The following ROR1 variants were observed in gnomAD, a reference collection of about 807,000 sequenced individuals.
ROR1 encodes inactive tyrosine-protein kinase transmembrane receptor ROR1.
ROR1 carries 19 observed loss-of-function variants against 78.8 expected under a neutral mutation model. That is an observed-to-expected ratio of 0.24 (90% CI 0.17 to 0.35). The LOEUF is 0.35. ROR1 is among the 10% of genes least tolerant of loss of function. The pLI, the probability that ROR1 is intolerant of heterozygous loss-of-function variation, is 1.00. For synonymous variants in ROR1, 386 were observed against 433.6 expected, an observed-to-expected ratio of 0.89 and a Z score of 1.36; for missense variants, 917 against 1,177.8, an observed-to-expected ratio of 0.78 and a Z score of 3.24.
rs1373078160 is a variant in ROR1 at position 63,774,665 on chromosome 1, G to C, written c.91+157G>C. ...GGGCTCGCCGGCGCCGCCAGGCCAG[G>C]GTTTGCCCCGGAGCCCCGCCAGGCC... On this transcript the variant is annotated intron_variant, in intron 1 of 8. Transcript: ENST00000371079. This position sits in a 1 kb window ranked among gnomAD's most constrained non-coding sequence, Gnocchi z 5.7. Among the ~76,000 whole-genome samples the C allele has an allele frequency of 6.6e-6, 1 of 150,416 alleles. No individual in the cohort carries two copies. The highest frequency in any genetic ancestry group is 1.5e-5 in the Non-Finnish European group (1 of 67,436).
intron 5 of ROR1, 45 bp from the exon 6 acceptor site, chr1:64,140,064 A>G: frequency 1.3e-6 from 2 of 1,571,890 alleles, no homozygotes; most frequent in Non-Finnish European, 1.7e-6. Context: ...ACCAAAGAAG[A>G]TAAACCCTGG....
At chr1:63,834,458 T>C (rs540067237) in intron 1 of ROR1, among the ~76,000 whole-genome samples, 1 of 152,300 alleles carries the variant, frequency 6.6e-6, no homozygotes, top group Admixed American at 6.5e-5. Flanking sequence ...TTCCCTGTAG[T>C]CATAGGAGGG....
intron 1 of ROR1, among the ~76,000 whole-genome samples, chr1:63,921,773 C>G (rs1645656656): frequency 6.6e-6 from 1 of 152,100 alleles, no homozygotes; most frequent in Admixed American, 6.6e-5. Context: ...AATCACTGAG[C>G]CTTTCAGTGT....
At chr1:63,793,646 C>T (rs751173200) in intron 1 of ROR1, among the ~76,000 whole-genome samples, 6 of 152,224 alleles carry the variant, frequency 3.9e-5, no homozygotes, top group South Asian at 2.1e-4. Context: ...TTAGGAGAAG[C>T]TCAGGGTATG....
chr1:63,864,512 G>T (rs944575039), intron 1 of ROR1, among the ~76,000 whole-genome samples: 4 of 152,146 alleles, frequency 2.6e-5, no homozygotes, highest in African/African-American at 7.2e-5. Context: ...TGTTGTGTTG[G>T]TATGACGGGG....
intron 4 of ROR1, among the ~76,000 whole-genome samples, chr1:64,101,858 T>C (rs1647560953): frequency 6.6e-6 from 1 of 152,120 alleles, no homozygotes; most frequent in Admixed American, 6.5e-5. Flanking sequence ...CCTAAAAGCT[T>C]TGTGACAGAA....
intron 1 of ROR1, among the ~76,000 whole-genome samples, chr1:63,839,756 A>G (rs1225337896): frequency 6.6e-6 from 1 of 151,996 alleles, no homozygotes; most frequent in Non-Finnish European, 1.5e-5. Flanking sequence ...TTTTTCACTT[A>G]ATACATAATA....
chr1:63,927,577 A>G (rs1645715573), intron 1 of ROR1, among the ~76,000 whole-genome samples: 1 of 149,596 alleles, frequency 6.7e-6, no homozygotes, highest in Non-Finnish European at 1.5e-5. Flanking sequence ...AAAAAAATAG[A>G]GTAGCCTCTC....
Position 64,064,298 on chromosome 1 carries a change from G to A in ROR1, c.482+13582G>A, listed in dbSNP as rs1263699978. On this transcript the variant is annotated intron_variant, in intron 4 of 8. Coordinates refer to ENST00000371079, the MANE Select transcript of ROR1 (RefSeq NM_005012.4). ...GAATGGTGGCATGTCTGTTCTGTGG[G>A]CACTGGAGTCATGAGAAGATGCTTC... 2.0e-5 allele frequency among the ~76,000 whole-genome samples: 3 copies of A among 152,204 alleles called. No homozygotes were observed. In the East Asian group the frequency reaches 5.8e-4, roughly 29 times the overall value.
At chr1:63,844,751 C>T (rs535706835) in intron 1 of ROR1, among the ~76,000 whole-genome samples, 1 of 152,072 alleles carries the variant, frequency 6.6e-6, no homozygotes, top group Non-Finnish European at 1.5e-5. Flanking sequence ...TTAAAGTTAT[C>T]TCCTCAATGA....
intron 1 of ROR1, among the ~76,000 whole-genome samples, chr1:63,804,494 A>G (rs2100259805): frequency 6.6e-6 from 1 of 152,296 alleles, no homozygotes; most frequent in Middle Eastern, 3.4e-3. Flanking sequence ...GCTTGAATAG[A>G]TGTTCTATTA....
chr1:64,094,636 C>T (rs1647249480), intron 4 of ROR1: 1 of 153,274 alleles, frequency 6.5e-6, no homozygotes, highest in South Asian at 2.1e-4. Flanking sequence ...GTCACCCAGG[C>T]TGGAGTATAG....
At chr1:63,917,153 T>A (rs1226143000) in intron 1 of ROR1, among the ~76,000 whole-genome samples, 2 of 152,192 alleles carry the variant, frequency 1.3e-5, no homozygotes, top group African/African-American at 4.8e-5. Flanking sequence ...ACTTTCCCTG[T>A]GGCTCCTGTC....
intron 4 of ROR1, among the ~76,000 whole-genome samples, chr1:64,068,999 A>G (rs938992919): frequency 2.6e-5 from 4 of 152,184 alleles, no homozygotes; most frequent in Non-Finnish European, 4.4e-5. Flanking sequence ...AATAATAGCT[A>G]AAATAATTAT....
intron 4 of ROR1, among the ~76,000 whole-genome samples, 156 bp from the exon 5 acceptor site, chr1:64,137,213 A>G (rs1649143238): frequency 6.6e-6 from 1 of 152,212 alleles, no homozygotes; most frequent in Admixed American, 6.5e-5. Flanking sequence ...AGATGTTTTA[A>G]GAACTGAGCA....
intron 1 of ROR1, among the ~76,000 whole-genome samples, chr1:63,937,297 C>T (rs530681797): frequency 2.0e-5 from 3 of 152,186 alleles, no homozygotes; most frequent in Non-Finnish European, 4.4e-5. Flanking sequence ...CCATCCCAGA[C>T]CCATTGCCAC....
At chr1:64,083,536 T>TGTGTGTGTGTGTGTG (rs139973518) in intron 4 of ROR1, among the ~76,000 whole-genome samples, 1 of 150,724 alleles carries the variant, frequency 6.6e-6, no homozygotes. Flanking sequence ...AGTGTGTGTG[T>TGTGTGTGTGTGTGTG]TTTAGGAACA....
At chr1:63,797,270 G>C (rs1378015221) in intron 1 of ROR1, among the ~76,000 whole-genome samples, 3 of 152,222 alleles carry the variant, frequency 2.0e-5, no homozygotes, top group Non-Finnish European at 4.4e-5. Context: ...GTGGTGAAGT[G>C]ACTTGCTCCC....
chr1:63,797,970 G>A (rs1171598809), intron 1 of ROR1, among the ~76,000 whole-genome samples: 1 of 151,600 alleles, frequency 6.6e-6, no homozygotes, highest in Admixed American at 6.6e-5. Flanking sequence ...GCCATATACT[G>A]GCAAGGGAGA....
Sources: allele counts gnomAD v4.1 joint callset (sites outside exome capture counted in the v4.1 genomes callset), GRCh38; gene constraint gnomAD v4.1.1; non-coding constraint Gnocchi (gnomAD v3.1); transcripts MANE v1.5; gene names NCBI Gene and HGNC (gene_info 2026-07-23, HGNC 2026-07-21).